Variants in SHISA9 observed in about 807,000 individuals in gnomAD.
The protein encoded by SHISA9 is protein shisa-9.
SHISA9 carries 13 observed loss-of-function variants against 38.0 expected under a neutral mutation model. That is an observed-to-expected ratio of 0.34 (90% confidence interval 0.22 to 0.54). SHISA9 has a LOEUF of 0.54. SHISA9 is among the 20% of genes least tolerant of loss of function. SHISA9 has a pLI of 0.91. For synonymous variants in SHISA9, 275 were observed against 242.0 expected (o/e 1.14, Z -1.27); for missense variants, 538 against 575.8 (o/e 0.93, Z 0.67).
intron 1 of SHISA9, chr16:12,909,941 C>T (rs761068046): frequency 6.6e-6 from 1 of 152,092 alleles, no homozygotes; most frequent in Non-Finnish European, 1.5e-5. Flanking sequence ...ACTACAACCC[C>T]TGCCTCCTGG....
intron 1 of SHISA9, among the ~76,000 whole-genome samples, chr16:12,914,612 T>G (rs991946403): frequency 1.3e-5 from 2 of 152,152 alleles, no homozygotes; most frequent in Non-Finnish European, 2.9e-5. Context: ...ACGCAGCTGT[T>G]GTGAGAAGCA....
the SHISA9 span, among the ~76,000 whole-genome samples, chr16:13,279,043 T>C: frequency 6.6e-6 from 1 of 152,058 alleles, no homozygotes; most frequent in Non-Finnish European, 1.5e-5. Context: ...ATGTAGGCAC[T>C]TAGGGCTATA....
the SHISA9 span, among the ~76,000 whole-genome samples, chr16:13,508,800 T>G: frequency 6.6e-6 from 1 of 152,330 alleles, no homozygotes; most frequent in South Asian, 2.1e-4. Context: ...AATTTCTCAT[T>G]GGCAGGTTGC....
intron 2 of SHISA9, among the ~76,000 whole-genome samples, chr16:13,071,610 C>T (rs2073518723): frequency 7.4e-6 from 1 of 134,880 alleles, no homozygotes; most frequent in South Asian, 2.3e-4. Flanking sequence ...CCCTTTCTTC[C>T]CTTCCTTCCC....
chr16:13,506,097 A>G, the SHISA9 span, among the ~76,000 whole-genome samples: 3 of 152,238 alleles, frequency 2.0e-5, no homozygotes, highest in South Asian at 2.1e-4. Context: ...TAAACCCCAG[A>G]TAAAACAAGA....
chr16:13,434,170 G>A, the SHISA9 span, among the ~76,000 whole-genome samples: 5,577 of 152,184 alleles, frequency 0.037, 376 homozygotes, highest in African/African-American at 0.13. Context: ...GAAAGATGGA[G>A]GCCAGAAGAC....
At chr16:13,072,774 C>T (rs896666028) in intron 2 of SHISA9, among the ~76,000 whole-genome samples, 26 of 152,012 alleles carry the variant, frequency 1.7e-4, no homozygotes, top group African/African-American at 6.3e-4. Context: ...GATTCTCCTG[C>T]CTCAGCCTCC....
intron 2 of SHISA9, among the ~76,000 whole-genome samples, chr16:13,098,720 T>G (rs1027035980): frequency 1.5e-4 from 23 of 152,220 alleles, no homozygotes; most frequent in African/African-American, 5.5e-4. Context: ...ACTCTGTGCA[T>G]GTGGCTGTTG....
At chr16:13,517,338 G>T in the SHISA9 span, among the ~76,000 whole-genome samples, 18 of 152,268 alleles carry the variant, frequency 1.2e-4, no homozygotes, top group African/African-American at 4.3e-4. Flanking sequence ...AACCATGAGA[G>T]AACAAATCAT....
rs55972023 is a variant in SHISA9, at chr16:13,147,461, CTTT to C, written c.692-55910_692-55908del. Among the ~76,000 whole-genome samples the C allele has an allele frequency of 4.2e-3, 276 of 65,064 alleles. 1 individual carries two copies. Among genetic ancestry groups the C allele is most frequent in the African/African-American group, 0.012 (210 of 18,166 alleles). 42.7% of individuals were successfully genotyped at this position (65,064 alleles called of 152,430 possible). A position where few individuals can be genotyped will look rare whatever the true frequency, so the allele number is the denominator to read the frequency against. ...TTCTTACAAAAAAGTGTAAACTGAG[CTTT>C]TTTTTTTTTTTTTTTTTTTTTTCCA... On this transcript the variant is annotated intron_variant, in intron 2 of 4. Coordinates refer to ENST00000558583, the MANE Select transcript of SHISA9 (RefSeq NM_001145204.3).
At chr16:13,197,911 G>A (rs1310574018) in intron 2 of SHISA9, among the ~76,000 whole-genome samples, 9 of 152,124 alleles carry the variant, frequency 5.9e-5, no homozygotes, top group Non-Finnish European at 1.2e-4. Context: ...CGGGCCGGGC[G>A]AGGTGGCTCA....
At chr16:13,326,721 AG>A in the SHISA9 span, among the ~76,000 whole-genome samples, 4 of 147,422 alleles carry the variant, frequency 2.7e-5, no homozygotes, top group African/African-American at 1.0e-4. Context: ...GCGCCTTCTC[AG>A]AAAAAGAAAG....
chr16:13,176,765 G>A (rs1362133542), intron 2 of SHISA9, among the ~76,000 whole-genome samples: 3 of 152,118 alleles, frequency 2.0e-5, no homozygotes, highest in Non-Finnish European at 2.9e-5. Context: ...AACCTCACAT[G>A]GGGGAGTGGG....
chr16:13,141,769 C>G (rs1434021557), intron 2 of SHISA9, among the ~76,000 whole-genome samples: 2 of 152,188 alleles, frequency 1.3e-5, no homozygotes, highest in East Asian at 3.9e-4. Context: ...CCTCCTTGCC[C>G]TCGTTTGTCA....
intron 2 of SHISA9, among the ~76,000 whole-genome samples, chr16:13,187,328 C>CTTTTTTTTTTTTTTTTT (rs372286181): frequency 2.2e-5 from 2 of 90,682 alleles, no homozygotes; most frequent in Non-Finnish European, 4.4e-5. Flanking sequence ...CTTTTCTTTT[C>CTTTTTTTTTTTTTTTTT]TTTTTTTTTT....
At chr16:13,548,202 A>C in the SHISA9 span, among the ~76,000 whole-genome samples, 1 of 152,214 alleles carries the variant, frequency 6.6e-6, no homozygotes, top group East Asian at 1.9e-4. Flanking sequence ...ACCATATAAA[A>C]AAGTCAACTC....
intron 2 of SHISA9, among the ~76,000 whole-genome samples, chr16:13,196,087 C>CAAAAAA (rs1172680715): frequency 1.4e-4 from 2 of 14,144 alleles, no homozygotes; most frequent in African/African-American, 6.5e-4. Context: ...GACTCTCTCT[C>CAAAAAA]AAAAAAAAAA....
At chr16:13,098,861 A>AG (rs1343988266) in intron 2 of SHISA9, among the ~76,000 whole-genome samples, 1 of 152,248 alleles carries the variant, frequency 6.6e-6, no homozygotes, top group Non-Finnish European at 1.5e-5. Context: ...GGTCTTGGGC[A>AG]ACCCCCTTTG....
At chr16:12,978,859 G>A (rs887568560) in intron 2 of SHISA9, among the ~76,000 whole-genome samples, 2 of 152,204 alleles carry the variant, frequency 1.3e-5, no homozygotes, top group African/African-American at 2.4e-5. Flanking sequence ...ATACACCCAA[G>A]TAGTAATTGT....
Sources: allele counts gnomAD v4.1 joint callset (sites outside exome capture counted in the v4.1 genomes callset), GRCh38; gene constraint gnomAD v4.1.1; transcripts MANE v1.5; gene names NCBI Gene and HGNC (gene_info 2026-07-23, HGNC 2026-07-21).